The following UBA2 variants were observed in gnomAD, a reference collection of about 807,000 sequenced individuals.
The protein encoded by UBA2 is ubiquitin like modifier activating enzyme 2, also known as SUMO-activating enzyme subunit 2.
UBA2 carries 11 observed loss-of-function variants against 77.2 expected under a neutral mutation model. That is an observed-to-expected ratio of 0.14 (90% CI 0.09 to 0.24). The LOEUF is 0.24. Ranked by LOEUF, UBA2 falls within the 10% of genes least tolerant of loss-of-function variation. The pLI is 1.00. For missense variants in UBA2, 487 were observed against 781.7 expected (o/e 0.62, Z 4.50); for synonymous variants, 278 against 276.7 (o/e 1.00, Z -0.05).
In UBA2 at chr19:34,444,986, T is replaced by C. The variant is rs756809102; in HGVS notation, c.650-14T>C. 1.8e-5 allele frequency: 29 copies of C among 1,604,366 alleles called. No homozygotes were observed. Among genetic ancestry groups the C allele is most frequent in the Non-Finnish European group, 2.5e-5 (29 of 1,177,074 alleles). On this transcript the variant is annotated splice_polypyrimidine_tract_variant and intron_variant, in intron 7 of 16. Coordinates refer to ENST00000246548, the MANE Select transcript of UBA2 (RefSeq NM_005499.3). ...TTTATTACGGTTGAAAATAAAATAA[T>C]GATCGTTTTATAGGGGAACCAACGG...
At chr19:34,444,167 C>T (rs1237302461) in intron 7 of UBA2, among the ~76,000 whole-genome samples, 2 of 147,276 alleles carry the variant, frequency 1.4e-5, no homozygotes, top group African/African-American at 5.0e-5. Flanking sequence ...AAATGATTCT[C>T]CTGCCTCAGG....
At chr19:34,437,177 G>C (rs868664694) in intron 5 of UBA2, among the ~76,000 whole-genome samples, 9 of 151,694 alleles carry the variant, frequency 5.9e-5, no homozygotes, top group African/African-American at 9.7e-5. Flanking sequence ...AGCCAGGCTG[G>C]TCTCAAACTC....
At chr19:34,436,363 G>A (rs757550172) in intron 5 of UBA2, among the ~76,000 whole-genome samples, 2 of 151,942 alleles carry the variant, frequency 1.3e-5, no homozygotes, top group Admixed American at 6.6e-5. Context: ...GCAGTGGCGC[G>A]ATCTCAGCTC....
intron 13 of UBA2, 62 bp downstream of exon 13, chr19:34,458,986 A>T: frequency 6.8e-7 from 1 of 1,464,050 alleles, no homozygotes; most frequent in Non-Finnish European, 9.2e-7. Flanking sequence ...GATGACAAAC[A>T]AACACTAGCT....
intron 5 of UBA2, among the ~76,000 whole-genome samples, chr19:34,436,118 CA>C (rs201531113): frequency 0.77 from 108,275 of 140,222 alleles, 42,475 homozygotes; most frequent in Non-Finnish European, 0.88. Flanking sequence ...AACTCTGTCT[CA>C]AAAAAAAAAA....
At chr19:34,463,947 A>C in intron 14 of UBA2, 79 bp from the exon 15 acceptor site, 1 of 971,564 alleles carries the variant, frequency 1.0e-6, no homozygotes, top group Admixed American at 1.8e-5. Context: ...CCCATAACAG[A>C]GGTTTAGCTT....
At chr19:34,440,985 T>G (rs2075363120) in intron 6 of UBA2, among the ~76,000 whole-genome samples, 1 of 151,460 alleles carries the variant, frequency 6.6e-6, no homozygotes. Context: ...AAAAAGTGTG[T>G]CTTGACCACG....
At chr19:34,454,816 T>C (rs968283074) in intron 12 of UBA2, among the ~76,000 whole-genome samples, 4 of 152,214 alleles carry the variant, frequency 2.6e-5, no homozygotes, top group Admixed American at 6.5e-5. Context: ...GCGGTCCTTA[T>C]ACTAAGAAGA....
intron 12 of UBA2, 143 bp from the exon 13 acceptor site, chr19:34,458,626 T>A: frequency 5.9e-6 from 3 of 504,914 alleles, no homozygotes; most frequent in South Asian, 4.1e-5. Context: ...AAAAAGGTCA[T>A]GATTTTCCTG....
chr19:34,434,960 A>G lies in UBA2; in HGVS notation c.451A>G (p.Ile151Val). 2 of 1,597,716 alleles carry G rather than the reference A, an allele frequency of 1.3e-6. No homozygotes were observed. The highest frequency in any genetic ancestry group is 8.5e-7 in the Non-Finnish European group (1 of 1,172,942). The change falls in exon 5 of 17, where the codon ATC becomes GTC. Residue 151 changes from isoleucine (I) to valine (V), a missense_variant. By Grantham distance (29) the Ile-to-Val change is conservative. Around this residue, in one of 9 missense-constraint regions of UBA2, gnomAD observed 66 missense variants for 112.0 expected, o/e 0.59. Coordinates refer to ENST00000246548, the MANE Select transcript of UBA2 (RefSeq NM_005499.3). ...TAGYLGQVTT[I>V]KKGVTECYEC... ...TGGGTATCTTGGACAAGTAACTACTATCAAAAAGGTAAAGAAAAGTTTTAT... is the reference window on the plus strand; with the variant it reads ...TGGGTATCTTGGACAAGTAACTACTGTCAAAAAGGTAAAGAAAAGTTTTAT...
chr19:34,453,008 CTAAA>C (rs977868381), intron 10 of UBA2, among the ~76,000 whole-genome samples: 2 of 152,240 alleles, frequency 1.3e-5, no homozygotes, highest in South Asian at 2.1e-4. Context: ...TGCACAGAGG[CTAAA>C]TAAAGAGCCC....
chr19:34,430,980 G>A (rs531683418), intron 2 of UBA2, among the ~76,000 whole-genome samples: 9 of 152,222 alleles, frequency 5.9e-5, no homozygotes, highest in African/African-American at 2.2e-4. Context: ...CTAGAGGAGC[G>A]TTATGCTGCT....
chr19:34,453,537 T>A (rs920340697), intron 10 of UBA2, among the ~76,000 whole-genome samples: 3 of 149,550 alleles, frequency 2.0e-5, no homozygotes, highest in Admixed American at 6.7e-5. Flanking sequence ...TTTTTTTTTT[T>A]AATTGAGACA....
intron 6 of UBA2, among the ~76,000 whole-genome samples, chr19:34,439,487 A>T (rs2083466980): frequency 6.6e-6 from 1 of 152,236 alleles, no homozygotes; most frequent in Non-Finnish European, 1.5e-5. Flanking sequence ...CTAAATCTTT[A>T]CTAAGAATCC....
chr19:34,453,177 T>G (rs898862687), intron 10 of UBA2, among the ~76,000 whole-genome samples: 1 of 152,164 alleles, frequency 6.6e-6, no homozygotes, highest in Non-Finnish European at 1.5e-5. Flanking sequence ...TTTAATAGAT[T>G]AAGAGATTTT....
Position 34,470,401 on chromosome 19 carries a change from C to CT in UBA2, c.*1181dup, listed in dbSNP as rs2075725882. 1 of 152,236 alleles carries CT rather than the reference C, an allele frequency of 6.6e-6. No individual in the cohort carries two copies. Among genetic ancestry groups the CT allele is most frequent in the South Asian group, 2.1e-4 (1 of 4,824 alleles). 9.4% of individuals were successfully genotyped at this position (152,236 alleles called of 1,614,324 possible). A position where few individuals can be genotyped will look rare whatever the true frequency, so the allele number is the denominator to read the frequency against. ...GTGGTGGTGCACATCTGTGTTCCAGCTACTCAGGAGGCTGAGGCAGGAGGA... is the reference window on the plus strand; with the variant it reads ...GTGGTGGTGCACATCTGTGTTCCAGCTTACTCAGGAGGCTGAGGCAGGAGGA... On this transcript the variant is annotated 3_prime_UTR_variant, in exon 17 of 17. Coordinates refer to ENST00000246548, the MANE Select transcript of UBA2 (RefSeq NM_005499.3).
rs139281787 is a variant in UBA2, at chr19:34,447,994, A to G, written c.772-2271A>G. ...TAAATCCCATTAAGGGGGAGAGTGGAAAAAGATGACTGGAGAGAGAAGTTG... is the reference window on the plus strand; with the variant it reads ...TAAATCCCATTAAGGGGGAGAGTGGGAAAAGATGACTGGAGAGAGAAGTTG... On this transcript the variant is annotated intron_variant, in intron 8 of 16. Coordinates refer to ENST00000246548, the MANE Select transcript of UBA2 (RefSeq NM_005499.3). 4.6e-4 allele frequency among the ~76,000 whole-genome samples: 70 copies of G among 152,308 alleles called. 1 individual carries two copies. Among genetic ancestry groups the G allele is most frequent in the African/African-American group, 1.6e-3 (68 of 41,566 alleles).
chr19:34,458,680 T>C, intron 12 of UBA2, 89 bp from the exon 13 acceptor site: 10 of 1,165,464 alleles, frequency 8.6e-6, no homozygotes, highest in Non-Finnish European at 1.0e-5. Context: ...TCATTTTTTA[T>C]TGGATATCTG....
rs1295182024 is a variant in UBA2, at chr19:34,469,265, C to T, written c.*44C>T. The T allele has an allele frequency of 5.4e-6, 8 of 1,478,344 alleles. No individual in the cohort carries two copies. In the African/African-American group the frequency reaches 8.6e-5, roughly 16 times the overall value. The allele number at this position is 1,478,344 out of a possible 1,614,324, so 91.6% of individuals were successfully genotyped here. A position where few individuals can be genotyped will look rare whatever the true frequency, so the allele number is the denominator to read the frequency against. On this transcript the variant is annotated 3_prime_UTR_variant, in exon 17 of 17. Coordinates refer to ENST00000246548, the MANE Select transcript of UBA2 (RefSeq NM_005499.3). ...AGAACCCTCTTACTATTTAGTTTAT[C>T]TGGGCAGAACCAGATTGTTATGTCC...
Sources: allele counts gnomAD v4.1 joint callset (sites outside exome capture counted in the v4.1 genomes callset), GRCh38; gene constraint gnomAD v4.1.1; regional missense constraint gnomAD v4.1.1; transcripts MANE v1.5; gene names NCBI Gene and HGNC (gene_info 2026-07-23, HGNC 2026-07-21).